Variants in DISC1 observed in about 807,000 individuals in gnomAD.
DISC1 encodes disrupted in schizophrenia 1 protein.
DISC1 carries 57 observed loss-of-function variants against 84.5 expected under a neutral mutation model. The ratio of observed to expected loss-of-function variants is 0.67; its 90% CI spans 0.55 to 0.84. The LOEUF (loss-of-function observed/expected upper bound fraction) is 0.84, where lower values mean the gene tolerates loss of function less well. Ranked by LOEUF, DISC1 falls within the 40% of genes least tolerant of loss-of-function variation. DISC1 has a pLI of 0.00. For missense variants in DISC1, 1,000 were observed against 1,057.8 expected (o/e 0.95, Z 0.76); for synonymous variants, 411 against 415.2 (o/e 0.99, Z 0.12).
chr1:232,008,874 G>A lies in DISC1; in HGVS notation c.2132G>A (p.Arg711Lys). 1 of 1,613,618 alleles carries A rather than the reference G, an allele frequency of 6.2e-7. No individual in the cohort carries two copies. The highest frequency in any genetic ancestry group is 8.5e-7 in the Non-Finnish European group (1 of 1,179,682). Residue 711 changes from arginine to lysine, a missense_variant, in exon 11 of 13, where the codon AGG becomes AAG. Transcript: ENST00000439617. The part of the protein sequence containing the change: ...LIQSLQLQEA[R>K]GSLSVEDERQ... ...CAGAGCCTACAGCTCCAGGAAGCCA[G>A]GGGAAGCCTGTCTGTAGAAGATGAG...
intron 9 of DISC1, among the ~76,000 whole-genome samples, chr1:231,884,099 C>G (rs1574399069): frequency 1.3e-5 from 2 of 152,102 alleles, no homozygotes; most frequent in African/African-American, 4.8e-5. Flanking sequence ...CAGCTGCATT[C>G]CACACTCGGG....
At chr1:231,723,280 GT>G (rs2070129143) in intron 3 of DISC1, 1 of 985,502 alleles carries the variant, frequency 1.0e-6, no homozygotes, top group South Asian at 4.7e-5. Context: ...AGACTCACAT[GT>G]TAAAACCCGT....
intron 9 of DISC1, among the ~76,000 whole-genome samples, chr1:231,924,078 C>T (rs1043575854): frequency 2.0e-5 from 3 of 152,140 alleles, no homozygotes; most frequent in African/African-American, 4.8e-5. Flanking sequence ...TCCCTGAAAG[C>T]TCAGTAATGA....
At chr1:231,819,687 C>A (rs925417771) in intron 9 of DISC1, among the ~76,000 whole-genome samples, 1 of 152,104 alleles carries the variant, frequency 6.6e-6, no homozygotes, top group Non-Finnish European at 1.5e-5. Context: ...CCCAAGACAC[C>A]GCAGCCTGGT....
At chr1:231,638,191 G>A (rs926875294) in intron 1 of DISC1, among the ~76,000 whole-genome samples, 1 of 152,060 alleles carries the variant, frequency 6.6e-6, no homozygotes, top group African/African-American at 2.4e-5. Flanking sequence ...TTATTTTGTT[G>A]TTGTTGTTGA....
intron 3 of DISC1, among the ~76,000 whole-genome samples, chr1:231,733,416 G>T (rs987189092): frequency 2.0e-5 from 3 of 150,514 alleles, no homozygotes; most frequent in African/African-American, 7.3e-5. Flanking sequence ...CTGTAGAAGT[G>T]GTGGTGGTTG....
intron 3 of DISC1, among the ~76,000 whole-genome samples, chr1:231,719,621 G>T (rs985997306): frequency 2.0e-5 from 3 of 152,168 alleles, no homozygotes; most frequent in Non-Finnish European, 4.4e-5. Flanking sequence ...AAATATTTGG[G>T]TTATGTATCA....
chr1:231,699,926 C>T (rs888205102), intron 2 of DISC1, among the ~76,000 whole-genome samples: 2 of 152,224 alleles, frequency 1.3e-5, no homozygotes. Flanking sequence ...TTCACTTTCA[C>T]TTCTTGCTTT....
At chr1:231,737,478 T>C (rs1330375123) in intron 3 of DISC1, among the ~76,000 whole-genome samples, 1 of 152,190 alleles carries the variant, frequency 6.6e-6, no homozygotes, top group Non-Finnish European at 1.5e-5. Context: ...ACATTAACAA[T>C]GTCTAGAGAA....
intron 4 of DISC1, among the ~76,000 whole-genome samples, chr1:231,761,595 T>G (rs1175074257): frequency 6.6e-6 from 1 of 152,166 alleles, no homozygotes; most frequent in African/African-American, 2.4e-5. Flanking sequence ...TATAGAGAAT[T>G]CCCAGTTACC....
intron 9 of DISC1, among the ~76,000 whole-genome samples, chr1:231,885,862 A>G (rs1368812978): frequency 3.9e-5 from 6 of 152,226 alleles, no homozygotes. Flanking sequence ...ATTCCCACTC[A>G]GTTGTCCTAG....
At chr1:231,936,912 T>C (rs2091015605) in intron 9 of DISC1, among the ~76,000 whole-genome samples, 1 of 152,200 alleles carries the variant, frequency 6.6e-6, no homozygotes, top group African/African-American at 2.4e-5. Flanking sequence ...AATCAAAAAC[T>C]GAGCTTGAAC....
chr1:231,726,815 T>C (rs2070782119), intron 3 of DISC1, among the ~76,000 whole-genome samples: 1 of 152,216 alleles, frequency 6.6e-6, no homozygotes, highest in African/African-American at 2.4e-5. Context: ...GAGAGACGGA[T>C]GGACTGCATC....
At chr1:231,938,224 C>T (rs2091098650) in intron 9 of DISC1, among the ~76,000 whole-genome samples, 1 of 152,084 alleles carries the variant, frequency 6.6e-6, no homozygotes, top group African/African-American at 2.4e-5. Context: ...GTTATGGATC[C>T]CAAGGTGGGG....
rs183077738 is a variant in DISC1, at chr1:231,858,537, A to G, written c.1981+40020A>G. 7.2e-5 allele frequency among the ~76,000 whole-genome samples: 11 copies of G among 152,256 alleles called. 1 individual carries two copies. The highest frequency in any genetic ancestry group is 2.6e-4 in the Admixed American group (4 of 15,292). On this transcript the variant is annotated intron_variant, in intron 9 of 12. Transcript: ENST00000439617. ...TCGTCTTCATTCTGGTCTGTGTCGC[A>G]TGCTGTCTTCCTCTGTCTCCCTACT...
intron 10 of DISC1, among the ~76,000 whole-genome samples, chr1:231,983,489 C>T (rs1034164265): frequency 2.3e-5 from 3 of 129,342 alleles, no homozygotes; most frequent in East Asian, 2.5e-4. Flanking sequence ...AAGCCATCTG[C>T]GTTTCAGGAG....
At chr1:231,801,755 G>C (rs1024178234) in intron 8 of DISC1, among the ~76,000 whole-genome samples, 12 of 151,490 alleles carry the variant, frequency 7.9e-5, no homozygotes, top group African/African-American at 2.9e-4. Flanking sequence ...AATACCTTCA[G>C]AATGGGCAAA....
chr1:231,631,912 C>T (rs1391585803), intron 1 of DISC1, among the ~76,000 whole-genome samples: 1 of 152,184 alleles, frequency 6.6e-6, no homozygotes, highest in African/African-American at 2.4e-5. Flanking sequence ...ACTCACCACT[C>T]ACTCACTGAC....
chr1:231,842,040 C>G (rs1285424765), intron 9 of DISC1, among the ~76,000 whole-genome samples: 1 of 151,992 alleles, frequency 6.6e-6, no homozygotes, highest in Non-Finnish European at 1.5e-5. Flanking sequence ...TGTGTTGTTG[C>G]CCAGGCTGGA....
Sources: allele counts gnomAD v4.1 joint callset (sites outside exome capture counted in the v4.1 genomes callset), GRCh38; gene constraint gnomAD v4.1.1; transcripts MANE v1.5; gene names NCBI Gene and HGNC (gene_info 2026-07-23, HGNC 2026-07-21).